PLEKHN1: variants seen among roughly 807,000 people sequenced by gnomAD.
PLEKHN1 encodes the protein pleckstrin homology domain-containing family N member 1.
In PLEKHN1, 68 loss-of-function variants were observed where a neutral mutation model predicts 72.8. The observed-to-expected ratio is 0.93, with a 90% CI of 0.77 to 1.14. The LOEUF (loss-of-function observed/expected upper bound fraction) is 1.14. PLEKHN1 is among the 50% of genes most tolerant of loss of function. The pLI, the probability that PLEKHN1 is intolerant of heterozygous loss-of-function variation, is 0.00. For synonymous variants in PLEKHN1, 454 were observed against 371.6 expected, an observed-to-expected ratio of 1.22 and a Z score of -2.55; for missense variants, 1,015 against 840.5, an observed-to-expected ratio of 1.21 and a Z score of -2.57.
chr1:974,699 C>T lies in PLEKHN1; in HGVS notation c.*124C>T. 2.3e-6 allele frequency: 3 copies of T among 1,284,212 alleles called. No individual in the cohort carries two copies. Among genetic ancestry groups the T allele is most frequent in the Non-Finnish European group, 3.1e-6 (3 of 954,844 alleles). The allele number at this position is 1,284,212 out of a possible 1,614,324, so 79.6% of individuals were successfully genotyped here. ...GTGTGATGGGGGGAGTCTCTGGGGC[C>T]CTGAGTTCAGAGCCCGTCCCTCAGC... is the stretch of plus-strand genomic sequence containing the variant. On this transcript the variant is annotated 3_prime_UTR_variant, in exon 16 of 16. Coordinates refer to ENST00000379410, the MANE Select transcript of PLEKHN1 (RefSeq NM_032129.3).
intron 8 of PLEKHN1, chr1:971,659 G>C: frequency 1.7e-6 from 1 of 594,674 alleles, no homozygotes; most frequent in East Asian, 2.8e-5. Flanking sequence ...AGCCCCTCCC[G>C]GGGACTCCCT....
Position 972,918 on chromosome 1 carries a change from G to T in PLEKHN1, c.1060G>T (p.Gly354Trp). ...AGGCGGACAGACCAGCTGGGACTCGGGGTGCTTGGCGCCCCCCTCCACCCG... is the reference window on the plus strand; with the variant it reads ...AGGCGGACAGACCAGCTGGGACTCGTGGTGCTTGGCGCCCCCCTCCACCCG... The part of the protein sequence containing the change: ...SSGGQTSWDS[G>W]CLAPPSTRTS... The change falls in exon 11 of 16, where the codon GGG (glycine) becomes TGG (tryptophan). Residue 354 changes from glycine (G) to tryptophan (W), a missense_variant. Coordinates refer to ENST00000379410, the MANE Select transcript of PLEKHN1 (RefSeq NM_032129.3). 1 of 1,561,676 alleles carries T rather than the reference G, an allele frequency of 6.4e-7. No individual in the cohort carries two copies. The highest frequency in any genetic ancestry group is 8.7e-7 in the Non-Finnish European group (1 of 1,152,846).
rs755425620 is a variant in PLEKHN1 at position 970,517 on chromosome 1, G to T, written c.331-4G>T. 6.2e-7 allele frequency: 1 copy of T among 1,613,122 alleles called. No individual in the cohort carries two copies. The highest frequency in any genetic ancestry group is 8.5e-7 in the Non-Finnish European group (1 of 1,179,962). On this transcript the variant is annotated splice_polypyrimidine_tract_variant and splice_region_variant and intron_variant, in intron 3 of 15. Coordinates refer to ENST00000379410, the MANE Select transcript of PLEKHN1 (RefSeq NM_032129.3). The surrounding 1 kb of genome is among the most constrained non-coding windows in gnomAD (Gnocchi z 4.2). ...CCGCACTGACGACCCTGCTCCCCGC[G>T]CAGGATGTCAGCGACTGCTACCTGG...
chr1:974,140 G>A (rs1230140789), intron 14 of PLEKHN1, 89 bp downstream of exon 14: 5 of 1,489,480 alleles, frequency 3.4e-6, no homozygotes, highest in African/African-American at 2.8e-5. Flanking sequence ...GAGGGAGCAG[G>A]GAGGGAAACA....
At chr1:972,683 G>A (rs1038759604) in intron 10 of PLEKHN1, among the ~76,000 whole-genome samples, 178 bp from the exon 11 acceptor site, 4 of 152,120 alleles carry the variant, frequency 2.6e-5, no homozygotes, top group African/African-American at 9.7e-5. Context: ...CAGGAGAATC[G>A]CTTGACCAGG....
At position 970,327 on chromosome 1, in the gene PLEKHN1, G is replaced by C; in HGVS notation, c.234G>C (p.Leu78=). ...NQRENLEQPF[L]SVFKKGRRRV... Reference sequence around the variant, plus strand: ...GAGAAAACCTGGAGCAGCCATTCCTGAGTGTGTTCAAGAAGGGGCGGCGGA... The same window carrying C: ...GAGAAAACCTGGAGCAGCCATTCCTCAGTGTGTTCAAGAAGGGGCGGCGGA... The change falls in exon 3 of 16, where the codon CTG becomes CTC. Residue 78 remains leucine (L), a synonymous_variant. Coordinates refer to ENST00000379410, the MANE Select transcript of PLEKHN1 (RefSeq NM_032129.3). This position sits in a 1 kb window ranked among gnomAD's most constrained non-coding sequence, Gnocchi z 4.2. 2 of 1,613,592 alleles carry C rather than the reference G, an allele frequency of 1.2e-6. No individual in the cohort carries two copies. Among genetic ancestry groups the C allele is most frequent in the Non-Finnish European group, 1.7e-6 (2 of 1,179,936 alleles).
In PLEKHN1 at chr1:972,252, C is replaced by A. The variant is rs757141626; in HGVS notation, c.866-36C>A. 10 of 1,596,930 alleles carry A rather than the reference C, an allele frequency of 6.3e-6. No individual in the cohort carries two copies. The African/African-American group carries it at 1.1e-4, about 17-fold the overall frequency. Reference sequence around the variant, plus strand: ...TTTAGTGGGGGCGCTGAGGGGTGCACCCCCCCGCCAGCCCCTCACAGCATC... The same window carrying A: ...TTTAGTGGGGGCGCTGAGGGGTGCAACCCCCCGCCAGCCCCTCACAGCATC... On this transcript the variant is annotated intron_variant, in intron 9 of 15. Coordinates refer to ENST00000379410, the MANE Select transcript of PLEKHN1 (RefSeq NM_032129.3).
At chr1:968,435 C>T (rs1436137198) in intron 2 of PLEKHN1, among the ~76,000 whole-genome samples, 1 of 152,240 alleles carries the variant, frequency 6.6e-6, no homozygotes, top group East Asian at 1.9e-4. Flanking sequence ...TTGTAGAGGA[C>T]TGTGTGTGCC....
At position 971,181 on chromosome 1, in the gene PLEKHN1, G is replaced by A. The variant is rs1401571315; in HGVS notation, c.681G>A (p.Arg227=). ...GCGGCAGTGCTGTCTGTGCCTCGAGGGTCAAGCTGCAGCACCTGCCCGCAC... is the reference window on the plus strand; with the variant it reads ...GCGGCAGTGCTGTCTGTGCCTCGAGAGTCAAGCTGCAGCACCTGCCCGCAC... ...EPGGSAVCAS[R]VKLQHLPAQE... The change falls in exon 7 of 16, where the codon AGG becomes AGA. Residue 227 remains arginine, a synonymous_variant. Coordinates refer to ENST00000379410, the MANE Select transcript of PLEKHN1 (RefSeq NM_032129.3). 6.3e-7 allele frequency: 1 copy of A among 1,593,972 alleles called. No homozygotes were observed. Among genetic ancestry groups the A allele is most frequent in the East Asian group, 2.3e-5 (1 of 43,912 alleles).
At chr1:966,658 C>A (rs762187462) in intron 1 of PLEKHN1, 44 bp downstream of exon 1, 16 of 1,588,702 alleles carry the variant, frequency 1.0e-5, no homozygotes, top group African/African-American at 2.7e-5. Context: ...AGGGCTCCCC[C>A]ACCCGCTCCG....
rs41300090 is a variant in PLEKHN1, at chr1:970,922, C to T, written c.528C>T (p.Ala176=). ...APLLVLCPSR[A]ELDRWLYHLE... is the part of the protein sequence containing the mutation. ...TCCTGGTGCTCTGCCCCAGCCGGGC[C>T]GAGCTGGACCGCTGGCTTTACCACC... Residue 176 remains alanine (A), a synonymous_variant, in exon 6 of 16, where the codon GCC becomes GCT. Coordinates refer to ENST00000379410, the MANE Select transcript of PLEKHN1 (RefSeq NM_032129.3). This position sits in a 1 kb window ranked among gnomAD's most constrained non-coding sequence, Gnocchi z 4.2. 7.3e-3 allele frequency: 11,770 copies of T among 1,610,556 alleles called. 63 individuals are homozygous for T. Among genetic ancestry groups the T allele is most frequent in the Non-Finnish European group, 8.8e-3 (10,369 of 1,179,648 alleles).
In PLEKHN1 at chr1:973,884, C is replaced by A; in HGVS notation, c.1486C>A (p.Pro496Thr). The A allele has an allele frequency of 6.2e-7, 1 of 1,611,128 alleles. No homozygotes were observed. The highest frequency in any genetic ancestry group is 8.5e-7 in the Non-Finnish European group (1 of 1,179,922). Residue 496 changes from proline (P) to threonine (T), a missense_variant, in exon 14 of 16, where the codon CCC (proline) becomes ACC (threonine). Physicochemically the swap from Pro to Thr is conservative, Grantham distance 38. Coordinates refer to ENST00000379410, the MANE Select transcript of PLEKHN1 (RefSeq NM_032129.3). ...ARGPTPSSPL[P>T]SVPVSVPASD... is the part of the protein sequence containing the mutation. ...TGGACCCACGCCCTCGAGCCCACTC[C>A]CCTCGGTGCCTGTGTCTGTGCCTGC... is the stretch of plus-strand genomic sequence containing the variant.
rs542467081 is a variant in PLEKHN1, at chr1:970,416, A to C, written c.323A>C (p.His108Pro). 1 of 1,613,422 alleles carries C rather than the reference A, an allele frequency of 6.2e-7. No homozygotes were observed. ...GCCAAGGTCCAGCTGCGGTTCCAGC[A>C]CAGCCAGGTGGGGGCCGGGCTGGGT... is the stretch of plus-strand genomic sequence containing the variant. ...HYAKVQLRFQ[H>P]SQDVSDCYLE... The change falls in exon 3 of 16, where the codon CAC becomes CCC. Residue 108 changes from histidine (H) to proline (P), a missense_variant. Transcript: ENST00000379410. The surrounding 1 kb of genome is among the most constrained non-coding windows in gnomAD (Gnocchi z 4.2).
chr1:969,314 AGT>A (rs1447723649), intron 2 of PLEKHN1, among the ~76,000 whole-genome samples: 1 of 152,152 alleles, frequency 6.6e-6, no homozygotes, highest in Non-Finnish European at 1.5e-5. Context: ...TGTGTGGGGA[AGT>A]GTGTCTGTGT....
chr1:969,516 ATGTGTATGTGTGCACG>A (rs1027822285), intron 2 of PLEKHN1, among the ~76,000 whole-genome samples: 2 of 151,640 alleles, frequency 1.3e-5, no homozygotes, highest in Non-Finnish European at 2.9e-5. Context: ...ATAGGTGTGC[ATGTGTATGTGTGCACG>A]TGTGTATGTG....
At chr1:974,076 G>GT in intron 14 of PLEKHN1, 25 bp downstream of exon 14, 1 of 1,554,318 alleles carries the variant, frequency 6.4e-7, no homozygotes, top group Non-Finnish European at 8.7e-7. Flanking sequence ...CCACGCCCGT[G>GT]TGCCCCGGGC....
At position 966,544 on chromosome 1, in the gene PLEKHN1, C is replaced by G. The variant is rs1642985126; in HGVS notation, c.13C>G (p.His5Asp). The G allele has an allele frequency of 1.2e-6, 2 of 1,608,456 alleles. No homozygotes were observed. Among genetic ancestry groups the G allele is most frequent in the East Asian group, 2.2e-5 (1 of 44,760 alleles). MGNS[H>D]CVPQAPRRLR... ...TACGACTCTGGCCATGGGGAACAGC[C>G]ACTGTGTCCCTCAGGCCCCCAGGAG... is the stretch of plus-strand genomic sequence containing the variant. Residue 5 changes from histidine to aspartate, a missense_variant, in exon 1 of 16, where the codon CAC (histidine) becomes GAC (aspartate). By Grantham distance (81) the His-to-Asp change is moderately conservative (BLOSUM62 -1). Coordinates refer to ENST00000379410, the MANE Select transcript of PLEKHN1 (RefSeq NM_032129.3).
In PLEKHN1 at chr1:970,556, C is replaced by T. The variant is rs62639983; in HGVS notation, c.366C>T (p.Ala122=). The T allele has an allele frequency of 7.4e-6, 12 of 1,613,130 alleles. No homozygotes were observed. Among genetic ancestry groups the T allele is most frequent in the South Asian group, 1.1e-5 (1 of 91,050 alleles). Residue 122 remains alanine, a synonymous_variant, in exon 4 of 16, where the codon GCC becomes GCT. Coordinates refer to ENST00000379410, the MANE Select transcript of PLEKHN1 (RefSeq NM_032129.3). This position sits in a 1 kb window ranked among gnomAD's most constrained non-coding sequence, Gnocchi z 4.2. The part of the protein sequence containing the change: ...VSDCYLELFP[A]HLYFQAHGSE... ...ACTGCTACCTGGAGCTATTCCCCGCCCACCTGTACTTCCAGGCCCACGGCT... is the reference window on the plus strand; with the variant it reads ...ACTGCTACCTGGAGCTATTCCCCGCTCACCTGTACTTCCAGGCCCACGGCT...
At position 973,213 on chromosome 1, in the gene PLEKHN1, A is replaced by G. The variant is rs1393139042; in HGVS notation, c.1180A>G (p.Ile394Val). 1 of 1,538,966 alleles carries G rather than the reference A, an allele frequency of 6.5e-7. No individual in the cohort carries two copies. Among genetic ancestry groups the G allele is most frequent in the Admixed American group, 2.0e-5 (1 of 50,674 alleles). The change falls in exon 12 of 16, where the codon ATT becomes GTT. Residue 394 changes from isoleucine to valine, a missense_variant. By Grantham distance (29) the Ile-to-Val change is conservative. Transcript: ENST00000379410. ...CCAGGCCAACTCTGACCGTGCCAGC[A>G]TTGGCCGACGGAGGACCGAGCTGAG... is the stretch of plus-strand genomic sequence containing the variant. ...PDQANSDRAS[I>V]GRRRTELRRS...
Sources: allele counts gnomAD v4.1 joint callset (sites outside exome capture counted in the v4.1 genomes callset), GRCh38; gene constraint gnomAD v4.1.1; non-coding constraint Gnocchi (gnomAD v3.1); transcripts MANE v1.5; gene names NCBI Gene and HGNC (gene_info 2026-07-23, HGNC 2026-07-21).